GRK5: variants seen among roughly 807,000 people sequenced by gnomAD.
GRK5 encodes G protein-coupled receptor kinase 5, also known as g protein-coupled receptor kinase GRK5.
In GRK5, 40 loss-of-function variants were observed where a neutral mutation model predicts 78.4. That is an observed-to-expected ratio of 0.51 (90% CI 0.40 to 0.66). GRK5 has a LOEUF of 0.66. Among genes scored for constraint, GRK5 ranks in the 30% least tolerant of loss-of-function variants. The pLI, the probability that GRK5 is intolerant of heterozygous loss-of-function variation, is 0.00. For synonymous variants in GRK5, 289 were observed against 296.8 expected, an observed-to-expected ratio of 0.97 and a Z score of 0.27; for missense variants, 598 against 759.9, an observed-to-expected ratio of 0.79 and a Z score of 2.50.
chr10:119,226,591 C>G (rs186912157), intron 1 of GRK5, among the ~76,000 whole-genome samples: 1 of 149,676 alleles, frequency 6.7e-6, no homozygotes, highest in African/African-American at 2.5e-5. Flanking sequence ...CTTGCCCAGG[C>G]TGGAGTACAG....
chr10:119,326,102 C>T lies in GRK5; in HGVS notation c.53-414C>T, dbSNP rs554564078. On this transcript the variant is annotated intron_variant, in intron 1 of 15. Transcript: ENST00000392870. ...CTCCACAGAAAGCAAGAGGACAAAACGAGGGCCATGAGGGGCCATGGGCAC... is the reference window on the plus strand; with the variant it reads ...CTCCACAGAAAGCAAGAGGACAAAATGAGGGCCATGAGGGGCCATGGGCAC... Among the ~76,000 whole-genome samples the T allele has an allele frequency of 4.6e-5, 7 of 152,376 alleles. No individual in the cohort carries two copies. The South Asian group carries it at 1.0e-3, about 23-fold the overall frequency.
chr10:119,425,182 T>C (rs1213333737), intron 6 of GRK5, 97 bp downstream of exon 6: 1 of 851,202 alleles, frequency 1.2e-6, no homozygotes. Context: ...CGTGGGCTCA[T>C]GGTTAAAACA....
chr10:119,358,563 A>G (rs959262946), intron 2 of GRK5, among the ~76,000 whole-genome samples: 1 of 152,052 alleles, frequency 6.6e-6, no homozygotes, highest in South Asian at 2.1e-4. Flanking sequence ...CTGTGCCCTC[A>G]TCTGCTCCTC....
rs1366547913 is a variant in GRK5 at position 119,430,983 on chromosome 10, C to G, written c.598-404C>G. On this transcript the variant is annotated intron_variant, in intron 7 of 15. Transcript: ENST00000392870. The surrounding 1 kb of genome is among the most constrained non-coding windows in gnomAD (Gnocchi z 4.5). ...CCCAAATGCTTTGGTTCCCGCTTAT[C>G]TGGATTATGAAGTCAGTGTTCTTGA... Among the ~76,000 whole-genome samples the G allele has an allele frequency of 2.0e-5, 3 of 152,204 alleles. No homozygotes were observed. Among genetic ancestry groups the G allele is most frequent in the Non-Finnish European group, 4.4e-5 (3 of 68,034 alleles).
At chr10:119,208,750 C>G (rs1848430948) in intron 1 of GRK5, 1 of 152,042 alleles carries the variant, frequency 6.6e-6, no homozygotes, top group Admixed American at 6.6e-5. Context: ...GTGTAAGATC[C>G]TGAGTCAAAC....
At chr10:119,254,682 C>T (rs553790249) in intron 1 of GRK5, among the ~76,000 whole-genome samples, 1 of 152,166 alleles carries the variant, frequency 6.6e-6, no homozygotes, top group African/African-American at 2.4e-5. Context: ...GACTATTTCT[C>T]CAGGAGGAGG....
chr10:119,328,297 C>T (rs1263222196), intron 2 of GRK5, among the ~76,000 whole-genome samples: 1 of 152,170 alleles, frequency 6.6e-6, no homozygotes, highest in African/African-American at 2.4e-5. Context: ...GAGGATTTGA[C>T]CACTGAGACT....
At chr10:119,358,739 A>G (rs773923348) in intron 2 of GRK5, among the ~76,000 whole-genome samples, 8 of 152,200 alleles carry the variant, frequency 5.3e-5, no homozygotes, top group Non-Finnish European at 8.8e-5. Context: ...TAGTCTGCTC[A>G]GGCTGCTATG....
At chr10:119,223,065 C>G (rs930694868) in intron 1 of GRK5, among the ~76,000 whole-genome samples, 5 of 152,206 alleles carry the variant, frequency 3.3e-5, no homozygotes, top group Non-Finnish European at 5.9e-5. Flanking sequence ...TCGCACAGTT[C>G]TGGAGGCCAG....
chr10:119,324,011 C>A (rs753003648), intron 1 of GRK5, among the ~76,000 whole-genome samples: 6 of 152,176 alleles, frequency 3.9e-5, no homozygotes, highest in African/African-American at 1.4e-4. Context: ...GGTGACCCTG[C>A]GGGCCTCCGG....
At chr10:119,423,877 A>G (rs1357909346) in intron 5 of GRK5, among the ~76,000 whole-genome samples, 1 of 152,128 alleles carries the variant, frequency 6.6e-6, no homozygotes, top group African/African-American at 2.4e-5. Flanking sequence ...TAGTTGGATG[A>G]TCTTAGGGGC....
chr10:119,249,011 G>A (rs746230265), intron 1 of GRK5, among the ~76,000 whole-genome samples: 8 of 152,154 alleles, frequency 5.3e-5, no homozygotes, highest in Non-Finnish European at 1.2e-4. Flanking sequence ...GCTCATGCCT[G>A]TAATCCCAGC....
intron 1 of GRK5, among the ~76,000 whole-genome samples, chr10:119,219,068 T>C (rs993318839): frequency 6.6e-6 from 1 of 151,850 alleles, no homozygotes; most frequent in African/African-American, 2.4e-5. Flanking sequence ...TTTGTATTTT[T>C]AGTAGAGAGC....
chr10:119,246,036 A>G (rs1234777013), intron 1 of GRK5, among the ~76,000 whole-genome samples: 3 of 150,824 alleles, frequency 2.0e-5, no homozygotes, highest in South Asian at 4.2e-4. Context: ...AAAAAAAAAA[A>G]AAAAAAAAAG....
At chr10:119,283,032 A>G (rs1160415592) in intron 1 of GRK5, among the ~76,000 whole-genome samples, 2 of 152,166 alleles carry the variant, frequency 1.3e-5, no homozygotes, top group African/African-American at 4.8e-5. Flanking sequence ...CAGAGCTGAT[A>G]AGGGGCCTGG....
At chr10:119,396,664 G>A in intron 3 of GRK5, 31 bp from the exon 4 acceptor site, 1 of 1,564,406 alleles carries the variant, frequency 6.4e-7, no homozygotes, top group East Asian at 2.2e-5. Context: ...GAGCAAACCT[G>A]TTATTGTTCT....
intron 1 of GRK5, among the ~76,000 whole-genome samples, chr10:119,269,964 G>T (rs1487929520): frequency 6.6e-6 from 1 of 152,020 alleles, no homozygotes; most frequent in Non-Finnish European, 1.5e-5. Context: ...CCTTGTGCCA[G>T]TCCCCCACAC....
Position 119,253,161 on chromosome 10 carries a change from G to C in GRK5, c.52+45192G>C, listed in dbSNP as rs940470013. 6.6e-6 allele frequency among the ~76,000 whole-genome samples: 1 copy of C among 152,172 alleles called. No individual in the cohort carries two copies. Among genetic ancestry groups the C allele is most frequent in the Admixed American group, 6.5e-5 (1 of 15,278 alleles). On this transcript the variant is annotated intron_variant, in intron 1 of 15. Transcript: ENST00000392870. The surrounding 1 kb of genome is among the most constrained non-coding windows in gnomAD (Gnocchi z 5.7). ...GGCTCAGTGGTGACAGCACAGGTTT[G>C]ACAGAGGGTGTCTACACCACCCAGT...
chr10:119,431,573 C>G lies in GRK5; in HGVS notation c.738+46C>G, dbSNP rs778571488. 5.7e-6 allele frequency: 9 copies of G among 1,591,076 alleles called. No individual in the cohort carries two copies. In the South Asian group the frequency reaches 1.0e-4, roughly 18 times the overall value. On this transcript the variant is annotated intron_variant, in intron 8 of 15. Coordinates refer to ENST00000392870, the MANE Select transcript of GRK5 (RefSeq NM_005308.3). This position sits in a 1 kb window ranked among gnomAD's most constrained non-coding sequence, Gnocchi z 4.8. ...AGTGACCGGCTCGCCCTTCTGTGGA[C>G]TGGGGCTTCCCTCCCTCCGGAAGGG...
Sources: gnomAD v4.1 joint callset for allele counts (sites outside exome capture counted in the v4.1 genomes callset) on GRCh38, gnomAD v4.1.1 for gene constraint, Gnocchi (gnomAD v3.1) non-coding constraint, MANE v1.5 for transcripts, NCBI Gene and HGNC (gene_info 2026-07-23, HGNC 2026-07-21) for gene names.